The following MTMR3 variants were observed in gnomAD, a reference collection of about 807,000 sequenced individuals.
The protein encoded by MTMR3 is myotubularin related protein 3.
A neutral mutation model predicts 132.4 loss-of-function variants in MTMR3; 32 were observed. The observed-to-expected ratio is 0.24, with a 90% CI of 0.18 to 0.32. The LOEUF is 0.32. Among genes scored for constraint, MTMR3 ranks in the 10% least tolerant of loss-of-function variants. The pLI is 1.00. For synonymous variants in MTMR3, 556 were observed against 550.3 expected (o/e 1.01, Z -0.14); for missense variants, 1,216 against 1,489.6 (o/e 0.82, Z 3.02).
Position 30,026,101 on chromosome 22 carries a change from C to G in MTMR3, c.*300C>G, listed in dbSNP as rs548689266. On this transcript the variant is annotated 3_prime_UTR_variant, in exon 20 of 20. Transcript: ENST00000401950. ...GGGTTGCCAGGCCCACTGTAACTGCCGAGCTGCCTGCTGTCACGTGACACT... is the reference window on the plus strand; with the variant it reads ...GGGTTGCCAGGCCCACTGTAACTGCGGAGCTGCCTGCTGTCACGTGACACT... 4 of 306,846 alleles carry G rather than the reference C, an allele frequency of 1.3e-5. No individual in the cohort carries two copies. Among genetic ancestry groups the G allele is most frequent in the Non-Finnish European group, 2.4e-5 (4 of 163,972 alleles). 19.0% of individuals were successfully genotyped at this position (306,846 alleles called of 1,614,324 possible).
At position 30,029,957 on chromosome 22, in the gene MTMR3, C is replaced by CT. The variant is rs1312814464; in HGVS notation, c.*4157dup. The CT allele has an allele frequency of 3.9e-5, 6 of 152,466 alleles. No homozygotes were observed. The highest frequency in any genetic ancestry group is 3.9e-4 in the Admixed American group (6 of 15,298). The allele number at this position is 152,466 out of a possible 1,614,324, so 9.4% of individuals were successfully genotyped here. ...GTTCAGAGCTGACCCCTCTAAGCCT[C>CT]TGACACTTAAACACGAGTCCTGCTG... On this transcript the variant is annotated 3_prime_UTR_variant, in exon 20 of 20. Transcript: ENST00000401950.
rs73162795 is a variant in MTMR3, at chr22:30,012,825, T to G, written c.1317+262T>G. On this transcript the variant is annotated intron_variant, in intron 13 of 19. Coordinates refer to ENST00000401950, the MANE Select transcript of MTMR3 (RefSeq NM_021090.4). ...TACAGTCTATCTACTTGTAAAAGTTTTTAGCTACCTCAGGAAAATAAGGAG... is the reference window on the plus strand; with the variant it reads ...TACAGTCTATCTACTTGTAAAAGTTGTTAGCTACCTCAGGAAAATAAGGAG... 1.4e-3 allele frequency: 463 copies of G among 327,210 alleles called. 1 individual carries two copies. The highest frequency in any genetic ancestry group is 2.0e-3 in the South Asian group (18 of 8,918). 20.3% of individuals were successfully genotyped at this position (327,210 alleles called of 1,614,324 possible). A position where few individuals can be genotyped will look rare whatever the true frequency, so the allele number is the denominator to read the frequency against.
chr22:29,904,946 C>G (rs1234928357), intron 1 of MTMR3, among the ~76,000 whole-genome samples: 1 of 152,056 alleles, frequency 6.6e-6, no homozygotes, highest in Non-Finnish European at 1.5e-5. Flanking sequence ...TGGAGGAAAA[C>G]TTTTTAATCA....
intron 5 of MTMR3, chr22:29,981,104 A>T (rs1239323057): frequency 1.3e-5 from 2 of 151,604 alleles, no homozygotes; most frequent in Non-Finnish European, 2.9e-5. Flanking sequence ...AGTTAACTAC[A>T]CTCTTTCTTT....
At chr22:29,978,814 C>T (rs1194810395) in intron 4 of MTMR3, 122 bp from the exon 5 acceptor site, 6 of 761,152 alleles carry the variant, frequency 7.9e-6, no homozygotes, top group Middle Eastern at 3.1e-4. Context: ...TCCTTATCTA[C>T]TTATGTGCTG....
chr22:29,899,237 C>A (rs2064960409), intron 1 of MTMR3, among the ~76,000 whole-genome samples: 1 of 152,100 alleles, frequency 6.6e-6, no homozygotes, highest in Admixed American at 6.6e-5. Flanking sequence ...TAGTCCTATT[C>A]TTTGGAAATT....
chr22:29,932,185 A>G (rs2065660143), intron 1 of MTMR3, among the ~76,000 whole-genome samples: 1 of 152,340 alleles, frequency 6.6e-6, no homozygotes, highest in Admixed American at 6.5e-5. Flanking sequence ...TAATACACGT[A>G]TAAGGTATAG....
intron 4 of MTMR3, 25 bp from the exon 5 acceptor site, chr22:29,978,911 C>A: frequency 6.6e-7 from 1 of 1,509,738 alleles, no homozygotes; most frequent in Non-Finnish European, 9.2e-7. Flanking sequence ...CTTCAGAACT[C>A]TGAAGGGTTT....
intron 1 of MTMR3, among the ~76,000 whole-genome samples, chr22:29,886,384 TGTTA>T (rs768711186): frequency 4.3e-4 from 66 of 152,338 alleles, no homozygotes; most frequent in Middle Eastern, 3.4e-3. Context: ...GTGTTTCAGA[TGTTA>T]GTTACTTTTT....
rs2067965696 is a variant in MTMR3, at chr22:30,029,021, C to G, written c.*3220C>G. On this transcript the variant is annotated 3_prime_UTR_variant, in exon 20 of 20. Transcript: ENST00000401950. ...TGGCCTAGGAAGGGCGTTGCGAGCT[C>G]CTAAATGGAAAGCTTCTCTGGGGGT... The G allele has an allele frequency of 6.6e-6, 1 of 152,368 alleles. No homozygotes were observed. The highest frequency in any genetic ancestry group is 2.4e-5 in the African/African-American group (1 of 41,428). The allele number at this position is 152,368 out of a possible 1,614,324, so 9.4% of individuals were successfully genotyped here. A position where few individuals can be genotyped will look rare whatever the true frequency, so the allele number is the denominator to read the frequency against.
At chr22:30,009,212 A>G in intron 12 of MTMR3, 83 bp downstream of exon 12, 1 of 988,540 alleles carries the variant, frequency 1.0e-6, no homozygotes, top group South Asian at 1.4e-5. Flanking sequence ...GGGGAAAAAA[A>G]GAAAAAAAAA....
At chr22:29,908,742 T>TC (rs1297155664) in intron 1 of MTMR3, among the ~76,000 whole-genome samples, 11 of 152,216 alleles carry the variant, frequency 7.2e-5, no homozygotes, top group Non-Finnish European at 1.6e-4. Context: ...GATAGATTGA[T>TC]CCACTTTGAT....
Position 30,012,567 on chromosome 22 carries a change from A to G in MTMR3, c.1317+4A>G. 6.3e-7 allele frequency: 1 copy of G among 1,594,142 alleles called. No homozygotes were observed. Among genetic ancestry groups the G allele is most frequent in the African/African-American group, 1.3e-5 (1 of 74,338 alleles). On this transcript the variant is annotated splice_donor_region_variant and intron_variant, in intron 13 of 19. Transcript: ENST00000401950. ...CCCTTATTACCGAACCATAGAGGTG[A>G]GCCCATCCAAATGGGAGGGGTTGGT...
chr22:29,942,302 G>A (rs1252022556), intron 1 of MTMR3, among the ~76,000 whole-genome samples: 1 of 152,156 alleles, frequency 6.6e-6, no homozygotes, highest in East Asian at 1.9e-4. Context: ...GGGAGTGTAC[G>A]AATAGGGTGT....
chr22:29,984,786 T>G (rs1450285027), intron 5 of MTMR3: 1 of 152,242 alleles, frequency 6.6e-6, no homozygotes, highest in Non-Finnish European at 1.5e-5. Context: ...ATTTAAACTC[T>G]GTTTTCCTCT....
chr22:29,980,738 T>A (rs2066724775), intron 5 of MTMR3: 1 of 152,212 alleles, frequency 6.6e-6, no homozygotes. Flanking sequence ...TTAGAACTAT[T>A]TGGGAATAAG....
At chr22:29,929,286 CA>C (rs1272850831) in intron 1 of MTMR3, among the ~76,000 whole-genome samples, 1 of 151,800 alleles carries the variant, frequency 6.6e-6, no homozygotes, top group African/African-American at 2.4e-5. Context: ...ATCTCAAAAA[CA>C]AACAAACAGA....
intron 1 of MTMR3, among the ~76,000 whole-genome samples, chr22:29,928,298 A>G (rs2065566371): frequency 6.7e-6 from 1 of 149,506 alleles, no homozygotes; most frequent in South Asian, 2.1e-4. Flanking sequence ...CAGCCTCCCT[A>G]GTAGCTGGGG....
In MTMR3 at chr22:30,020,106, C is replaced by G. The variant is rs769941787; in HGVS notation, c.2447C>G (p.Ala816Gly). ...GCAGTTCTTCCAATCCCAGTAGATG[C>G]AAAAGTTGGCTATGGTACCTCACAG... ...EEAVLPIPVDAKVGYGTSQSC... is the reference protein window; with the variant it reads ...EEAVLPIPVDGKVGYGTSQSC... The change falls in exon 17 of 20, where the codon GCA (alanine) becomes GGA (glycine). Residue 816 changes from alanine (A) to glycine (G), a missense_variant. By Grantham distance (60) the Ala-to-Gly change is moderately conservative. Coordinates refer to ENST00000401950, the MANE Select transcript of MTMR3 (RefSeq NM_021090.4). 1 of 1,614,178 alleles carries G rather than the reference C, an allele frequency of 6.2e-7. No homozygotes were observed. The highest frequency in any genetic ancestry group is 8.5e-7 in the Non-Finnish European group (1 of 1,180,034).
Sources: gnomAD v4.1 joint callset for allele counts (sites outside exome capture counted in the v4.1 genomes callset) on GRCh38, gnomAD v4.1.1 for gene constraint, MANE v1.5 for transcripts, NCBI Gene and HGNC (gene_info 2026-07-23, HGNC 2026-07-21) for gene names.